Variants in TNFRSF11A observed in about 807,000 individuals in gnomAD.
TNFRSF11A encodes tumor necrosis factor receptor superfamily member 11A.
In TNFRSF11A, 32 loss-of-function variants were observed where a neutral mutation model predicts 55.7. That is an observed-to-expected ratio of 0.57 (90% confidence interval 0.43 to 0.77). TNFRSF11A has a LOEUF of 0.77. TNFRSF11A is among the 30% of genes least tolerant of loss of function. TNFRSF11A has a pLI of 0.00. For missense variants in TNFRSF11A, 753 were observed against 809.8 expected (o/e 0.93, Z 0.85); for synonymous variants, 311 against 331.0 (o/e 0.94, Z 0.65).
chr18:62,357,554 G>A (rs996812367), intron 4 of TNFRSF11A, among the ~76,000 whole-genome samples: 7 of 152,182 alleles, frequency 4.6e-5, no homozygotes, highest in African/African-American at 1.7e-4. Flanking sequence ...TTGTTGGACT[G>A]CTTTCATGCT....
At chr18:62,368,417 A>G (rs910122000) in intron 8 of TNFRSF11A, among the ~76,000 whole-genome samples, 1 of 152,200 alleles carries the variant, frequency 6.6e-6, no homozygotes, top group Non-Finnish European at 1.5e-5. Flanking sequence ...TAGTCAGAAT[A>G]CTGTGTTCAA....
chr18:62,382,821 A>T (rs4941132), intron 9 of TNFRSF11A, among the ~76,000 whole-genome samples: 68,788 of 119,894 alleles, frequency 0.57, 17,117 homozygotes, highest in African/African-American at 0.71. Context: ...TTTGTTTGTT[A>T]ACTTTTATTT....
intron 2 of TNFRSF11A, 138 bp downstream of exon 2, chr18:62,348,387 T>G: frequency 1.3e-6 from 1 of 746,922 alleles, no homozygotes; most frequent in Non-Finnish European, 2.3e-6. Flanking sequence ...TCTGTCACTC[T>G]GAAGACAAAA....
At position 62,352,161 on chromosome 18, in the gene TNFRSF11A, T is replaced by C. The variant is rs1313541199; in HGVS notation, c.283+2224T>C. ...TATGAGGTGGCCCAAGGTGTTTTGA[T>C]ACAGCCCAGGCATCTATTGCTTCCA... is the stretch of plus-strand genomic sequence containing the variant. On this transcript the variant is annotated intron_variant, in intron 3 of 9. Coordinates refer to ENST00000586569, the MANE Select transcript of TNFRSF11A (RefSeq NM_003839.4). Among the ~76,000 whole-genome samples, 3 of 152,248 alleles carry C rather than the reference T, an allele frequency of 2.0e-5. No homozygotes were observed. In the East Asian group the frequency reaches 5.8e-4, roughly 29 times the overall value.
chr18:62,331,877 C>A (rs2046159659), intron 1 of TNFRSF11A, among the ~76,000 whole-genome samples: 1 of 152,206 alleles, frequency 6.6e-6, no homozygotes, highest in Admixed American at 6.5e-5. Flanking sequence ...CCAAAAAATC[C>A]TGACCCAGCA....
chr18:62,384,146 G>T (rs1241482906), intron 9 of TNFRSF11A, among the ~76,000 whole-genome samples: 1 of 152,230 alleles, frequency 6.6e-6, no homozygotes, highest in Non-Finnish European at 1.5e-5. Context: ...TAATCTTGGT[G>T]TGCTCTCTTG....
chr18:62,369,357 TGAA>T lies in TNFRSF11A; in HGVS notation c.1448_1450del (p.Glu483del), dbSNP rs771555209. The T allele has an allele frequency of 6.8e-6, 11 of 1,610,186 alleles. No homozygotes were observed. In the Middle Eastern group the frequency reaches 1.3e-3, roughly 194 times the overall value. ...GCGCCTATGGCATGGGCCTTCCCCC[TGAA>T]GAAGAAGCCAGCAGGACGGAGGCCA... On this transcript the variant is annotated inframe_deletion, in exon 9 of 10. Coordinates refer to ENST00000586569, the MANE Select transcript of TNFRSF11A (RefSeq NM_003839.4).
intron 1 of TNFRSF11A, among the ~76,000 whole-genome samples, chr18:62,337,020 A>G (rs7237982): frequency 0.26 from 39,862 of 151,932 alleles, 5,924 homozygotes; most frequent in African/African-American, 0.4. Context: ...AGGTGGTCAG[A>G]GGGGGAAATG....
rs139968917 is a variant in TNFRSF11A, at chr18:62,354,533, G to C, written c.426G>C (p.Pro142=). The C allele has an allele frequency of 5.4e-5, 87 of 1,602,770 alleles. No homozygotes were observed. Among genetic ancestry groups the C allele is most frequent in the Non-Finnish European group, 7.0e-5 (82 of 1,179,464 alleles). ...CGCCGGGCCTGGGCGCCCAGCACCCGTGTACGGGTTGGATGTGTGCGTCTG... is the reference window on the plus strand; with the variant it reads ...CGCCGGGCCTGGGCGCCCAGCACCCCTGTACGGGTTGGATGTGTGCGTCTG... The part of the protein sequence containing the change: ...ECAPGLGAQH[P]LQLNKDTVCK... The change falls in exon 4 of 10, where the codon CCG becomes CCC. Residue 142 remains proline (P), a splice_region_variant and synonymous_variant. Coordinates refer to ENST00000586569, the MANE Select transcript of TNFRSF11A (RefSeq NM_003839.4).
At position 62,388,562 on chromosome 18, in the gene TNFRSF11A, A is replaced by C. The variant is rs1911875577; in HGVS notation, c.*3528A>C. ...AGTAAAATGCTGCAGAGAAGAGTGC[A>C]TTCTGGGAAAAAAAGAGGAACATAT... On this transcript the variant is annotated 3_prime_UTR_variant, in exon 10 of 10. Coordinates refer to ENST00000586569, the MANE Select transcript of TNFRSF11A (RefSeq NM_003839.4). The C allele has an allele frequency of 6.6e-6, 1 of 152,282 alleles. No individual in the cohort carries two copies. The highest frequency in any genetic ancestry group is 1.5e-5 in the Non-Finnish European group (1 of 68,078). 9.4% of individuals were successfully genotyped at this position (152,282 alleles called of 1,614,324 possible).
intron 7 of TNFRSF11A, among the ~76,000 whole-genome samples, chr18:62,365,716 G>A (rs17069904): frequency 0.099 from 15,116 of 152,256 alleles, 805 homozygotes; most frequent in East Asian, 0.15. Context: ...TCACTGAAAC[G>A]TTAGAGGATC....
chr18:62,384,697 C>T, intron 9 of TNFRSF11A, 54 bp from the exon 10 acceptor site: 2 of 1,589,896 alleles, frequency 1.3e-6, no homozygotes, highest in Non-Finnish European at 8.6e-7. Context: ...TCGGCAGACC[C>T]TGCCTCCGGG....
At chr18:62,350,354 G>A (rs907239666) in intron 3 of TNFRSF11A, among the ~76,000 whole-genome samples, 3 of 151,816 alleles carry the variant, frequency 2.0e-5, no homozygotes, top group Admixed American at 6.6e-5. Context: ...GTGCAGTGGC[G>A]CGATCTCAGC....
rs374310569 is a variant in TNFRSF11A, at chr18:62,369,432, G to A, written c.1515G>A (p.Ala505=). The A allele has an allele frequency of 2.0e-4, 322 of 1,610,704 alleles. No individual in the cohort carries two copies. Among genetic ancestry groups the A allele is most frequent in the Non-Finnish European group, 2.6e-4 (310 of 1,180,042 alleles). ...CTGATGGGAGGCTCCCAAGCTCAGCGAGGGCAGGTGCCGGGTCTGGAAGCT... is the reference window on the plus strand; with the variant it reads ...CTGATGGGAGGCTCCCAAGCTCAGCAAGGGCAGGTGCCGGGTCTGGAAGCT... ...DGADGRLPSS[A]RAGAGSGSSP... Residue 505 remains alanine (A), a synonymous_variant, in exon 9 of 10, where the codon GCG becomes GCA. Coordinates refer to ENST00000586569, the MANE Select transcript of TNFRSF11A (RefSeq NM_003839.4).
At chr18:62,326,748 C>G (rs2046081788) in intron 1 of TNFRSF11A, among the ~76,000 whole-genome samples, 1 of 152,184 alleles carries the variant, frequency 6.6e-6, no homozygotes, top group African/African-American at 2.4e-5. Context: ...AATGCTGTTT[C>G]CCGTCTTTTT....
intron 1 of TNFRSF11A, among the ~76,000 whole-genome samples, chr18:62,333,787 C>T (rs1431458176): frequency 6.6e-6 from 1 of 152,168 alleles, no homozygotes; most frequent in Non-Finnish European, 1.5e-5. Flanking sequence ...TTTGGGGACA[C>T]CCATGCAAAT....
intron 8 of TNFRSF11A, among the ~76,000 whole-genome samples, chr18:62,367,979 A>T (rs142205810): frequency 0.015 from 2,254 of 152,024 alleles, 42 homozygotes; most frequent in South Asian, 0.064. Flanking sequence ...TTTTTAGTAG[A>T]GACAGGGTTT....
At chr18:62,327,091 A>G (rs1312243404) in intron 1 of TNFRSF11A, among the ~76,000 whole-genome samples, 1 of 152,220 alleles carries the variant, frequency 6.6e-6, no homozygotes, top group Non-Finnish European at 1.5e-5. Context: ...TGTCAGGCAC[A>G]TAAAAGATTC....
At chr18:62,355,380 C>T (rs1411472397) in intron 4 of TNFRSF11A, among the ~76,000 whole-genome samples, 8 of 152,084 alleles carry the variant, frequency 5.3e-5, no homozygotes, top group Non-Finnish European at 1.0e-4. Context: ...CAGGTTCAAG[C>T]GATTCTCCTG....
Sources: allele counts gnomAD v4.1 joint callset (sites outside exome capture counted in the v4.1 genomes callset), GRCh38; gene constraint gnomAD v4.1.1; transcripts MANE v1.5; gene names NCBI Gene and HGNC (gene_info 2026-07-23, HGNC 2026-07-21).